The following NEK11 variants were observed in gnomAD, a reference collection of about 807,000 sequenced individuals.
The protein encoded by NEK11 is NIMA related kinase 11.
In NEK11, 72 loss-of-function variants were observed where a neutral mutation model predicts 80.7. The ratio of observed to expected loss-of-function variants is 0.89; its 90% CI spans 0.74 to 1.08. NEK11 has a LOEUF of 1.08. Ranked by LOEUF, NEK11 falls within the 50% of genes least tolerant of loss-of-function variation. The probability of loss-of-function intolerance (pLI) is 0.00; values close to 1 mark genes in which losing one functional copy is unlikely to be tolerated. For missense variants in NEK11, 764 were observed against 763.6 expected (o/e 1.00, Z -0.01); for synonymous variants, 251 against 260.7 (o/e 0.96, Z 0.36).
chr3:131,128,851 A>G (rs1371659592), intron 5 of NEK11, among the ~76,000 whole-genome samples: 1 of 152,154 alleles, frequency 6.6e-6, no homozygotes. Flanking sequence ...GGCCGTTCTA[A>G]TAGGTGTGTA....
chr3:131,082,510 T>A (rs952196687), intron 4 of NEK11, among the ~76,000 whole-genome samples: 1 of 152,232 alleles, frequency 6.6e-6, no homozygotes, highest in African/African-American at 2.4e-5. Context: ...CTGTCTAATA[T>A]AGTAGTCGCT....
At chr3:131,108,800 C>T (rs1425992227) in intron 4 of NEK11, among the ~76,000 whole-genome samples, 1 of 151,892 alleles carries the variant, frequency 6.6e-6, no homozygotes, top group Non-Finnish European at 1.5e-5. Context: ...TATTATATTC[C>T]TTAGGGTTTT....
intron 14 of NEK11, among the ~76,000 whole-genome samples, chr3:131,180,182 T>C (rs551494104): frequency 1.6e-4 from 25 of 152,290 alleles, no homozygotes; most frequent in Non-Finnish European, 2.6e-4. Context: ...CCTTGCAATT[T>C]CATTGACTAA....
intron 14 of NEK11, among the ~76,000 whole-genome samples, chr3:131,200,713 C>T (rs1328905661): frequency 1.3e-5 from 2 of 152,330 alleles, no homozygotes; most frequent in South Asian, 2.1e-4. Flanking sequence ...CTTTCTTACA[C>T]ATTGTTACAT....
intron 3 of NEK11, among the ~76,000 whole-genome samples, chr3:131,062,328 G>A (rs1358350029): frequency 2.6e-5 from 4 of 152,164 alleles, no homozygotes; most frequent in Admixed American, 1.3e-4. Context: ...GATCTGAACC[G>A]GAGAACCTTC....
intron 5 of NEK11, among the ~76,000 whole-genome samples, chr3:131,112,280 G>C (rs139311903): frequency 4.4e-4 from 67 of 152,232 alleles, no homozygotes; most frequent in African/African-American, 1.4e-3. Context: ...AGCATGACCT[G>C]GGTGAATCTC....
intron 16 of NEK11, among the ~76,000 whole-genome samples, chr3:131,259,159 GC>G (rs1262164086): frequency 6.6e-6 from 1 of 152,064 alleles, no homozygotes; most frequent in African/African-American, 2.4e-5. Context: ...GTCCTAATAT[GC>G]CCCAGCTCCC....
In NEK11 at chr3:131,152,626, T is replaced by G; in HGVS notation, c.798-5T>G. ...GAAAAATAATTTTCTGTTTAAACAT[T>G]ACAGCATGTTGAACAAGAATCCTTC... is the stretch of plus-strand genomic sequence containing the variant. On this transcript the variant is annotated splice_polypyrimidine_tract_variant and splice_region_variant and intron_variant, in intron 8 of 17. Coordinates refer to ENST00000383366, the MANE Select transcript of NEK11 (RefSeq NM_024800.5). 6.2e-7 allele frequency: 1 copy of G among 1,612,414 alleles called. No homozygotes were observed. The highest frequency in any genetic ancestry group is 1.1e-5 in the South Asian group (1 of 90,704).
rs1392311880 is a variant in NEK11 at position 131,034,654 on chromosome 3, T to C, written c.170+4776T>C. Among the ~76,000 whole-genome samples, 5 of 152,220 alleles carry C rather than the reference T, an allele frequency of 3.3e-5. No homozygotes were observed. The East Asian group carries it at 9.6e-4, about 29-fold the overall frequency. On this transcript the variant is annotated intron_variant, in intron 3 of 17. Transcript: ENST00000383366. Reference sequence around the variant, plus strand: ...CACTTGCCTGGGCCTCCCAAAGTGCTGGGATTACAGGCGTGAGCCACCGCG... The same window carrying C: ...CACTTGCCTGGGCCTCCCAAAGTGCCGGGATTACAGGCGTGAGCCACCGCG...
chr3:131,168,068 T>A (rs1328222869), intron 12 of NEK11, among the ~76,000 whole-genome samples: 1 of 152,238 alleles, frequency 6.6e-6, no homozygotes, highest in Non-Finnish European at 1.5e-5. Context: ...ACAGACTGGA[T>A]GGCTCAGCAT....
intron 5 of NEK11, among the ~76,000 whole-genome samples, chr3:131,124,291 G>A (rs1305351854): frequency 6.6e-6 from 1 of 152,190 alleles, no homozygotes; most frequent in African/African-American, 2.4e-5. Flanking sequence ...TTCCACTGCA[G>A]TGCTGGACTT....
intron 3 of NEK11, among the ~76,000 whole-genome samples, chr3:131,046,373 T>G (rs1231423646): frequency 6.6e-6 from 1 of 152,180 alleles, no homozygotes; most frequent in Non-Finnish European, 1.5e-5. Context: ...GAAGCTTAGT[T>G]TCACTGAATA....
At chr3:131,200,450 A>G (rs2094184773) in intron 14 of NEK11, among the ~76,000 whole-genome samples, 1 of 152,208 alleles carries the variant, frequency 6.6e-6, no homozygotes. Context: ...AAAGATGCAT[A>G]CCCTATGACT....
chr3:131,244,039 C>G (rs2095558973), intron 16 of NEK11, among the ~76,000 whole-genome samples: 1 of 151,792 alleles, frequency 6.6e-6, no homozygotes, highest in Non-Finnish European at 1.5e-5. Flanking sequence ...GAGATACACT[C>G]TAGCACTAGA....
chr3:131,169,540 G>A (rs2092533837), intron 13 of NEK11, among the ~76,000 whole-genome samples: 1 of 152,120 alleles, frequency 6.6e-6, no homozygotes, highest in Admixed American at 6.5e-5. Context: ...GTTAGGCACT[G>A]TTTCTCTAAA....
intron 5 of NEK11, among the ~76,000 whole-genome samples, chr3:131,120,524 T>C (rs1047925225): frequency 2.6e-5 from 4 of 152,234 alleles, no homozygotes; most frequent in Admixed American, 6.5e-5. Flanking sequence ...AATATTGGCC[T>C]GCCTTGCTAT....
intron 11 of NEK11, among the ~76,000 whole-genome samples, chr3:131,164,952 C>G (rs573291317): frequency 1.3e-5 from 2 of 152,296 alleles, no homozygotes; most frequent in Admixed American, 1.3e-4. Flanking sequence ...ACTCACTCTC[C>G]TGTAATAGAG....
chr3:131,150,749 TAG>T (rs1190007811), intron 7 of NEK11, among the ~76,000 whole-genome samples: 2 of 152,062 alleles, frequency 1.3e-5, no homozygotes, highest in African/African-American at 4.8e-5. Flanking sequence ...TTTTATTTTG[TAG>T]AGTTAATATT....
chr3:131,247,334 T>C (rs1428492390), intron 16 of NEK11, among the ~76,000 whole-genome samples: 1 of 152,194 alleles, frequency 6.6e-6, no homozygotes, highest in Non-Finnish European at 1.5e-5. Context: ...TTCTTCTACA[T>C]GTGACTTGCC....
Sources: allele counts gnomAD v4.1 joint callset (sites outside exome capture counted in the v4.1 genomes callset), GRCh38; gene constraint gnomAD v4.1.1; transcripts MANE v1.5; gene names NCBI Gene and HGNC (gene_info 2026-07-23, HGNC 2026-07-21).